The following LAMA3 variants were observed in gnomAD, a reference collection of about 807,000 sequenced individuals.
The protein encoded by LAMA3 is laminin subunit alpha-3.
In LAMA3, 281 loss-of-function variants were observed where a neutral mutation model predicts 402.0. That is an observed-to-expected ratio of 0.70 (90% CI 0.63 to 0.77). The LOEUF (loss-of-function observed/expected upper bound fraction) is 0.77, where lower values mean the gene tolerates loss of function less well. LAMA3 is among the 30% of genes least tolerant of loss of function. LAMA3 has a pLI of 0.00. For synonymous variants in LAMA3, 1,431 were observed against 1,558.4 expected, an observed-to-expected ratio of 0.92 and a Z score of 1.93; for missense variants, 3,840 against 4,215.5, an observed-to-expected ratio of 0.91 and a Z score of 2.47.
intron 11 of LAMA3, among the ~76,000 whole-genome samples, chr18:23,783,421 GAC>G (rs1246910985): frequency 1.3e-5 from 2 of 152,186 alleles, no homozygotes; most frequent in Non-Finnish European, 2.9e-5. Context: ...TGTTTGAACT[GAC>G]ACCTGGTGGA....
chr18:23,856,660 T>G (rs1228988270), intron 32 of LAMA3, among the ~76,000 whole-genome samples: 2 of 152,128 alleles, frequency 1.3e-5, no homozygotes, highest in African/African-American at 4.8e-5. Flanking sequence ...GGTGGATGAC[T>G]CAGAGTGACC....
chr18:23,933,663 T>C, intron 66 of LAMA3, 119 bp from the exon 67 acceptor site: 1 of 1,060,998 alleles, frequency 9.4e-7, no homozygotes, highest in Non-Finnish European at 1.4e-6. Context: ...TTTGTACCCA[T>C]TAACCAACCC....
At chr18:23,764,898 T>C (rs188595001) in intron 8 of LAMA3, among the ~76,000 whole-genome samples, 131 of 152,324 alleles carry the variant, frequency 8.6e-4, no homozygotes, top group African/African-American at 2.8e-3. Context: ...CCATGGAGGA[T>C]TGGTCTCAAT....
At chr18:23,860,989 G>T (rs2064205850) in intron 34 of LAMA3, among the ~76,000 whole-genome samples, 1 of 151,850 alleles carries the variant, frequency 6.6e-6, no homozygotes. Flanking sequence ...ACCGCACCTG[G>T]CCCCAAAAAT....
intron 1 of LAMA3, among the ~76,000 whole-genome samples, chr18:23,690,898 T>C (rs1434259194): frequency 3.3e-5 from 5 of 149,726 alleles, no homozygotes; most frequent in Admixed American, 3.3e-4. Context: ...TTTATTTATT[T>C]ATTTATTTAT....
In LAMA3 at chr18:23,842,718, G is replaced by C. The variant is rs746114841; in HGVS notation, c.3571G>C (p.Val1191Leu). Residue 1191 changes from valine (V) to leucine (L), a missense_variant, in exon 29 of 75, where the codon GTG becomes CTG. By Grantham distance (32) the Val-to-Leu change is conservative (BLOSUM62 1). Transcript: ENST00000313654. ...CTCAGAGCCTGAAGTGGCCGCAACT[G>C]TGAAGGTTCCAGAAGGAAAGTCCTT... ...DISEPEVAAT[V>L]KVPEGKSLVL... The C allele has an allele frequency of 6.2e-7, 1 of 1,614,234 alleles. No individual in the cohort carries two copies. The highest frequency in any genetic ancestry group is 2.2e-5 in the East Asian group (1 of 44,878).
chr18:23,848,219 A>G lies in LAMA3; in HGVS notation c.4136+551A>G, dbSNP rs529105174. Among the ~76,000 whole-genome samples the G allele has an allele frequency of 3.3e-5, 5 of 152,290 alleles. No individual in the cohort carries two copies. In the South Asian group the frequency reaches 1.0e-3, roughly 32 times the overall value. Reference sequence around the variant, plus strand: ...TGAGGAGGGAGTCAGGGTGAACAGGAGACAGGCTGGAGAGCCTGGCCTGAG... The same window carrying G: ...TGAGGAGGGAGTCAGGGTGAACAGGGGACAGGCTGGAGAGCCTGGCCTGAG... On this transcript the variant is annotated intron_variant, in intron 32 of 74. Transcript: ENST00000313654.
chr18:23,805,980 A>C (rs2062954639), intron 12 of LAMA3, among the ~76,000 whole-genome samples: 1 of 152,168 alleles, frequency 6.6e-6, no homozygotes, highest in Non-Finnish European at 1.5e-5. Flanking sequence ...GTTTCAAGTT[A>C]GACTTGTTCA....
chr18:23,869,644 T>G (rs1466574071), intron 37 of LAMA3, among the ~76,000 whole-genome samples: 2 of 152,250 alleles, frequency 1.3e-5, no homozygotes, highest in South Asian at 2.1e-4. Flanking sequence ...TGCTGAACAC[T>G]TTATATATAT....
intron 1 of LAMA3, among the ~76,000 whole-genome samples, chr18:23,695,796 C>CAAAAAAAAAAAAAAA (rs58873998): frequency 7.8e-5 from 3 of 38,640 alleles, no homozygotes; most frequent in African/African-American, 1.1e-4. Context: ...GACTCCATCT[C>CAAAAAAAAAAAAAAA]AAAAAAAAAA....
chr18:23,857,786 C>T (rs1220295134), intron 32 of LAMA3, 58 bp from the exon 33 acceptor site: 20 of 1,607,548 alleles, frequency 1.2e-5, no homozygotes, highest in Non-Finnish European at 1.7e-5. Context: ...TGTAAGTGAG[C>T]ACTTTAAAAT....
intron 2 of LAMA3, among the ~76,000 whole-genome samples, chr18:23,727,306 T>TTTGATTGA (rs71163638): frequency 6.7e-6 from 1 of 148,952 alleles, no homozygotes; most frequent in East Asian, 1.9e-4. Context: ...TCTGTCCTTG[T>TTTGATTGA]TTGATTGATT....
At chr18:23,735,154 A>G (rs1333073646) in intron 2 of LAMA3, among the ~76,000 whole-genome samples, 1 of 152,186 alleles carries the variant, frequency 6.6e-6, no homozygotes, top group Non-Finnish European at 1.5e-5. Context: ...GCCCACTGGC[A>G]ATTGCATTTA....
chr18:23,903,832 T>C, intron 49 of LAMA3, 101 bp from the exon 50 acceptor site: 1 of 970,632 alleles, frequency 1.0e-6, no homozygotes, highest in South Asian at 1.3e-5. Flanking sequence ...TAACATCTCA[T>C]TGTTGCCCCA....
chr18:23,755,360 G>C (rs1056722512), intron 6 of LAMA3, among the ~76,000 whole-genome samples: 2 of 152,196 alleles, frequency 1.3e-5, no homozygotes, highest in Non-Finnish European at 2.9e-5. Flanking sequence ...GTCTCCCCAA[G>C]CCTTGGTGAA....
intron 18 of LAMA3, among the ~76,000 whole-genome samples, chr18:23,817,256 G>A (rs1238484863): frequency 6.6e-6 from 1 of 152,226 alleles, no homozygotes; most frequent in East Asian, 1.9e-4. Context: ...ATTTATAAAC[G>A]TTTTGAAACC....
At chr18:23,790,673 C>A (rs776664970) in intron 12 of LAMA3, among the ~76,000 whole-genome samples, 3 of 152,166 alleles carry the variant, frequency 2.0e-5, no homozygotes, top group Admixed American at 2.0e-4. Flanking sequence ...TACTCTCATT[C>A]AGCTAGAAAC....
rs1049368562 is a variant in LAMA3 at position 23,920,850 on chromosome 18, G to C, written c.7924-85G>C. Reference sequence around the variant, plus strand: ...CAGCAGCTGAAGCTGAGAGCAGGGGGGTCTGTGAGAGTAACGGGAGTTCCA... The same window carrying C: ...CAGCAGCTGAAGCTGAGAGCAGGGGCGTCTGTGAGAGTAACGGGAGTTCCA... On this transcript the variant is annotated intron_variant, in intron 60 of 74. Coordinates refer to ENST00000313654, the MANE Select transcript of LAMA3 (RefSeq NM_198129.4). 6 of 1,516,806 alleles carry C rather than the reference G, an allele frequency of 4.0e-6. No individual in the cohort carries two copies. In the Admixed American group the frequency reaches 6.7e-5, roughly 17 times the overall value. 94.0% of individuals were successfully genotyped at this position (1,516,806 alleles called of 1,614,324 possible). A position where few individuals can be genotyped will look rare whatever the true frequency, so the allele number is the denominator to read the frequency against.
Position 23,916,686 on chromosome 18 carries a change from A to T in LAMA3, c.7914A>T (p.Ala2638=). The T allele has an allele frequency of 6.2e-7, 1 of 1,614,154 alleles. No individual in the cohort carries two copies. Among genetic ancestry groups the T allele is most frequent in the Non-Finnish European group, 8.5e-7 (1 of 1,180,018 alleles). The stretch of plus-strand genomic sequence containing the variant: ...TGGATAGAGGCTTGCTGTTCTTTGC[A>T]GAAAACGGGGTAATCTATAACAAGC... ...TTVDRGLLFF[A]ENGDRFISLN... Residue 2638 remains alanine, a synonymous_variant, in exon 60 of 75, where the codon GCA becomes GCT. Transcript: ENST00000313654.
Sources: allele counts gnomAD v4.1 joint callset (sites outside exome capture counted in the v4.1 genomes callset), GRCh38; gene constraint gnomAD v4.1.1; transcripts MANE v1.5; gene names NCBI Gene and HGNC (gene_info 2026-07-23, HGNC 2026-07-21).